The following ABCA13 variants were observed in gnomAD, a reference collection of about 807,000 sequenced individuals.
ABCA13 encodes ATP binding cassette subfamily A member 13.
In ABCA13, 476 loss-of-function variants were observed where a neutral mutation model predicts 478.7. The ratio of observed to expected loss-of-function variants is 0.99; its 90% confidence interval spans 0.92 to 1.07. The LOEUF (loss-of-function observed/expected upper bound fraction) is 1.07. Among genes scored for constraint, ABCA13 ranks in the 50% least tolerant of loss-of-function variants. The pLI is 0.00. For missense variants in ABCA13, 6,060 were observed against 5,910.6 expected, an observed-to-expected ratio of 1.03 and a Z score of -0.83; for synonymous variants, 2,252 against 2,158.9, an observed-to-expected ratio of 1.04 and a Z score of -1.20.
At chr7:48,582,889 A>G (rs1441314924) in intron 56 of ABCA13, among the ~76,000 whole-genome samples, 1 of 152,200 alleles carries the variant, frequency 6.6e-6, no homozygotes, top group African/African-American at 2.4e-5. Context: ...TTGAGCCTCA[A>G]TTTAATTAAC....
chr7:48,348,048 G>A (rs933915546), intron 29 of ABCA13, among the ~76,000 whole-genome samples: 1 of 152,168 alleles, frequency 6.6e-6, no homozygotes, highest in South Asian at 2.1e-4. Flanking sequence ...CCCAGTAGAC[G>A]GTGGAGATCC....
intron 48 of ABCA13, among the ~76,000 whole-genome samples, chr7:48,492,328 T>C (rs1829912670): frequency 1.3e-5 from 2 of 152,196 alleles, no homozygotes; most frequent in South Asian, 4.1e-4. Context: ...TGCTTAACTT[T>C]CTAGGCCCAT....
intron 16 of ABCA13, among the ~76,000 whole-genome samples, chr7:48,269,722 C>T (rs1045884587): frequency 6.6e-6 from 1 of 152,198 alleles, no homozygotes; most frequent in Non-Finnish European, 1.5e-5. Context: ...AATGTCTGCA[C>T]CTTGCCCCAG....
Position 48,193,491 on chromosome 7 carries a change from G to A in ABCA13, c.163+439G>A, listed in dbSNP as rs148291807. On this transcript the variant is annotated intron_variant, in intron 2 of 61. Transcript: ENST00000435803. ...AGATGGTGATGATGGAGATGATGGT[G>A]ATGATGATGACAGAAATGATAATGA... Among the ~76,000 whole-genome samples, 1,049 of 151,886 alleles carry A rather than the reference G, an allele frequency of 6.9e-3. 8 individuals carry two copies. Among genetic ancestry groups the A allele is most frequent in the Non-Finnish European group, 0.011 (772 of 67,918 alleles).
chr7:48,563,142 G>A (rs1786644869), intron 55 of ABCA13, among the ~76,000 whole-genome samples: 1 of 152,140 alleles, frequency 6.6e-6, no homozygotes, highest in Admixed American at 6.5e-5. Flanking sequence ...GTCAAGGTGT[G>A]TCAAAGTCAC....
chr7:48,417,924 A>G (rs1486609820), intron 41 of ABCA13, among the ~76,000 whole-genome samples: 1 of 152,180 alleles, frequency 6.6e-6, no homozygotes, highest in Non-Finnish European at 1.5e-5. Context: ...AGAGTTGGGA[A>G]TCATACAACC....
chr7:48,624,567 T>A (rs535248346), intron 59 of ABCA13, among the ~76,000 whole-genome samples: 4 of 151,652 alleles, frequency 2.6e-5, no homozygotes, highest in Admixed American at 2.6e-4. Context: ...TTTTTTTTTT[T>A]AGACAGAGTT....
intron 6 of ABCA13, 101 bp downstream of exon 6, chr7:48,227,526 A>C (rs931228589): frequency 7.3e-7 from 1 of 1,366,022 alleles, no homozygotes; most frequent in Admixed American, 2.3e-5. Flanking sequence ...ATTTAAAAAA[A>C]CCTCACAATA....
At chr7:48,240,547 T>G (rs1308932314) in intron 9 of ABCA13, among the ~76,000 whole-genome samples, 3 of 152,222 alleles carry the variant, frequency 2.0e-5, no homozygotes, top group Non-Finnish European at 4.4e-5. Flanking sequence ...CTATCCTAAA[T>G]ATGTTCGTTT....
chr7:48,245,621 C>A lies in ABCA13; in HGVS notation c.1491+9C>A. The A allele has an allele frequency of 1.3e-6, 2 of 1,596,272 alleles. No homozygotes were observed. Among genetic ancestry groups the A allele is most frequent in the Non-Finnish European group, 1.7e-6 (2 of 1,173,180 alleles). On this transcript the variant is annotated intron_variant, in intron 12 of 61. Coordinates refer to ENST00000435803, the MANE Select transcript of ABCA13 (RefSeq NM_152701.5). ...TTTGGGAGCTGAAACAGGTAAAGCA[C>A]AACAAATAATTATAAATAAGCATTT...
At chr7:48,488,228 A>G (rs539286537) in intron 47 of ABCA13, among the ~76,000 whole-genome samples, 1 of 151,402 alleles carries the variant, frequency 6.6e-6, no homozygotes, top group East Asian at 2.0e-4. Flanking sequence ...CTTGTGTAGT[A>G]GGGTTTTGTT....
chr7:48,278,759 T>C lies in ABCA13; in HGVS notation c.7565T>C (p.Ile2522Thr), dbSNP rs753393467. ...GATCTTGCCACATCAATGGACTCCA[T>C]TGTGAAACTTCTTAAGCTGGTCAAG... ...LRDLATSMDSIVKLLKLVKKV... is the reference protein window; with the variant it reads ...LRDLATSMDSTVKLLKLVKKV... Residue 2522 changes from isoleucine to threonine, a missense_variant, in exon 18 of 62, where the codon ATT (isoleucine) becomes ACT (threonine). Physicochemically the swap from Ile to Thr is moderately conservative, Grantham distance 89. Around this residue, in one of 3 missense-constraint regions of ABCA13, gnomAD observed 4,423 missense variants for 4,309.1 expected, o/e 1.03. Coordinates refer to ENST00000435803, the MANE Select transcript of ABCA13 (RefSeq NM_152701.5). 5.6e-6 allele frequency: 9 copies of C among 1,613,938 alleles called. 1 individual carries two copies. In the East Asian group the frequency reaches 8.9e-5, roughly 16 times the overall value.
chr7:48,175,679 C>T (rs982189971), intron 1 of ABCA13, among the ~76,000 whole-genome samples: 1 of 152,150 alleles, frequency 6.6e-6, no homozygotes, highest in Non-Finnish European at 1.5e-5. Flanking sequence ...CCTTGGCCTC[C>T]CCAAGTGGTG....
chr7:48,356,935 T>C (rs1810015439), intron 31 of ABCA13, among the ~76,000 whole-genome samples: 1 of 152,064 alleles, frequency 6.6e-6, no homozygotes, highest in Non-Finnish European at 1.5e-5. Context: ...GGGATTGTTT[T>C]ATATGCACAA....
At chr7:48,415,883 G>C (rs1178814345) in intron 41 of ABCA13, among the ~76,000 whole-genome samples, 2 of 152,104 alleles carry the variant, frequency 1.3e-5, no homozygotes, top group Non-Finnish European at 2.9e-5. Context: ...CATAACCATA[G>C]CACATGTGAA....
At chr7:48,507,481 G>C (rs1182356877) in intron 49 of ABCA13, among the ~76,000 whole-genome samples, 1 of 152,164 alleles carries the variant, frequency 6.6e-6, no homozygotes, top group Non-Finnish European at 1.5e-5. Context: ...TGTAGTGAAG[G>C]CTCCTCTCTG....
intron 45 of ABCA13, among the ~76,000 whole-genome samples, chr7:48,475,981 C>T (rs747535366): frequency 6.6e-5 from 10 of 152,158 alleles, no homozygotes; most frequent in African/African-American, 1.4e-4. Context: ...AACATGTCAT[C>T]GGGACTGAGT....
In ABCA13 at chr7:48,587,196, G is replaced by A. The variant is rs746265472; in HGVS notation, c.14548G>A (p.Ala4850Thr). ...LIRRLHLEAH[A>T]DKPVATYSGG... ...CAGGCGCTTACACCTCGAAGCCCAC[G>A]CGGACAAACCTGTGGCCACCTACAG... The change falls in exon 57 of 62, where the codon GCG becomes ACG. Residue 4850 changes from alanine to threonine, a missense_variant. Transcript: ENST00000435803. 21 of 1,612,868 alleles carry A rather than the reference G, an allele frequency of 1.3e-5. No homozygotes were observed. The Admixed American group carries it at 2.2e-4, about 17-fold the overall frequency.
At chr7:48,217,775 G>T (rs1037142721) in intron 3 of ABCA13, among the ~76,000 whole-genome samples, 2 of 152,076 alleles carry the variant, frequency 1.3e-5, no homozygotes, top group Non-Finnish European at 2.9e-5. Context: ...CTCAGTGTCA[G>T]TCTGAGGGCT....
Sources: gnomAD v4.1 joint callset for allele counts (sites outside exome capture counted in the v4.1 genomes callset) on GRCh38, gnomAD v4.1.1 for gene constraint, gnomAD v4.1.1 regional missense constraint, MANE v1.5 for transcripts, NCBI Gene and HGNC (gene_info 2026-07-23, HGNC 2026-07-21) for gene names.